The following DDX31 variants were observed in gnomAD, a reference collection of about 807,000 sequenced individuals.
DDX31 encodes DEAD-box helicase 31, also known as ATP-dependent DNA helicase DDX31.
In DDX31, 70 loss-of-function variants were observed where a neutral mutation model predicts 91.3. The ratio of observed to expected loss-of-function variants is 0.77; its 90% CI spans 0.63 to 0.94. DDX31 has a LOEUF of 0.94. Ranked by LOEUF, DDX31 falls within the 40% of genes least tolerant of loss-of-function variation. The pLI is 0.00. For synonymous variants in DDX31, 362 were observed against 350.6 expected, an observed-to-expected ratio of 1.03 and a Z score of -0.36; for missense variants, 902 against 925.0, an observed-to-expected ratio of 0.98 and a Z score of 0.32.
At chr9:132,644,851 A>C (rs1833723164) in intron 13 of DDX31, among the ~76,000 whole-genome samples, 1 of 152,218 alleles carries the variant, frequency 6.6e-6, no homozygotes, top group Non-Finnish European at 1.5e-5. Flanking sequence ...CTAATGCGCA[A>C]GGGCTGGAAT....
At chr9:132,629,684 G>A (rs1832607774) in intron 16 of DDX31, among the ~76,000 whole-genome samples, 1 of 152,204 alleles carries the variant, frequency 6.6e-6, no homozygotes, top group African/African-American at 2.4e-5. Context: ...CCCATTTACA[G>A]CGAGCTGGGC....
At chr9:132,644,207 T>A (rs1283105358) in intron 13 of DDX31, among the ~76,000 whole-genome samples, 1 of 152,190 alleles carries the variant, frequency 6.6e-6, no homozygotes, top group Non-Finnish European at 1.5e-5. Flanking sequence ...TACACAGACA[T>A]TCTACTTTTT....
chr9:132,635,214 G>A (rs906911185), intron 14 of DDX31, among the ~76,000 whole-genome samples: 1 of 152,058 alleles, frequency 6.6e-6, no homozygotes, highest in Non-Finnish European at 1.5e-5. Context: ...TTTCTCCTTC[G>A]TAATGAGTAA....
At chr9:132,599,924 G>C (rs148432438) in intron 19 of DDX31, among the ~76,000 whole-genome samples, 6 of 152,232 alleles carry the variant, frequency 3.9e-5, no homozygotes, top group African/African-American at 1.4e-4. Flanking sequence ...CAGGTGGCCC[G>C]GGACTGACTA....
intron 7 of DDX31, among the ~76,000 whole-genome samples, chr9:132,651,516 C>T (rs186894631): frequency 2.0e-5 from 3 of 152,130 alleles, no homozygotes; most frequent in Non-Finnish European, 4.4e-5. Flanking sequence ...ACAATAGTGA[C>T]GCAACAGGGT....
chr9:132,609,308 G>C (rs772760952), intron 19 of DDX31, among the ~76,000 whole-genome samples: 1 of 152,104 alleles, frequency 6.6e-6, no homozygotes, highest in Non-Finnish European at 1.5e-5. Context: ...CCTAAATAAA[G>C]CCCTGTTAAA....
Position 132,662,460 on chromosome 9 carries a change from G to C in DDX31, c.311C>G (p.Pro104Arg). 2.5e-6 allele frequency: 4 copies of C among 1,614,188 alleles called. No individual in the cohort carries two copies. The highest frequency in any genetic ancestry group is 1.1e-5 in the South Asian group (1 of 91,086). Residue 104 changes from proline to arginine, a missense_variant, in exon 2 of 20, where the codon CCT becomes CGT. Coordinates refer to ENST00000372159, the MANE Select transcript of DDX31 (RefSeq NM_022779.9). ...IKTSSLFKNN[P>R]DIPELHRPVV... ...ATACCTGTGGAGTTCTGGAATGTCA[G>C]GGTTGTTTTTAAACAGTGATGAAGT...
intron 18 of DDX31, among the ~76,000 whole-genome samples, chr9:132,615,996 G>C (rs1831602635): frequency 6.6e-6 from 1 of 152,246 alleles, no homozygotes; most frequent in Non-Finnish European, 1.5e-5. Context: ...CAAGTCAATA[G>C]TGGGGAATTT....
chr9:132,637,579 C>G (rs916734465), intron 14 of DDX31, among the ~76,000 whole-genome samples: 9 of 152,224 alleles, frequency 5.9e-5, no homozygotes, highest in Admixed American at 1.3e-4. Flanking sequence ...GCCTCTGACG[C>G]CTTCCCGGCC....
chr9:132,630,549 A>T, intron 15 of DDX31, 146 bp from the exon 16 acceptor site: 1 of 771,786 alleles, frequency 1.3e-6, no homozygotes, highest in Non-Finnish European at 1.8e-6. Context: ...AGGAGAAGTC[A>T]CCCAACCCTG....
At chr9:132,658,429 A>G (rs563862671) in intron 6 of DDX31, 17 of 697,110 alleles carry the variant, frequency 2.4e-5, no homozygotes, top group African/African-American at 2.3e-4. Flanking sequence ...CATGCCTGAC[A>G]CACGGGGAGC....
Position 132,646,128 on chromosome 9 carries a change from A to G in DDX31, c.1204-57T>C. The G allele has an allele frequency of 2.6e-6, 4 of 1,554,646 alleles. No individual in the cohort carries two copies. The South Asian group carries it at 3.5e-5, about 14-fold the overall frequency. Reference sequence around the variant, plus strand: ...ATATTTTAAGATTAGGTGACGCCAAAACGAATATTTCTCTAAACTATACAG... The same window carrying G: ...ATATTTTAAGATTAGGTGACGCCAAGACGAATATTTCTCTAAACTATACAG... On this transcript the variant is annotated intron_variant, in intron 12 of 19. Transcript: ENST00000372159.
chr9:132,622,410 A>G (rs1045444085), intron 17 of DDX31, among the ~76,000 whole-genome samples: 1 of 151,970 alleles, frequency 6.6e-6, no homozygotes, highest in African/African-American at 2.4e-5. Context: ...GGCAGATGCT[A>G]CCAAAAAAAA....
intron 18 of DDX31, among the ~76,000 whole-genome samples, chr9:132,615,281 T>C (rs1269522617): frequency 1.3e-5 from 2 of 152,092 alleles, no homozygotes; most frequent in Non-Finnish European, 2.9e-5. Flanking sequence ...TGATGACTTG[T>C]AAGATGAAGG....
intron 13 of DDX31, among the ~76,000 whole-genome samples, chr9:132,643,331 A>C (rs1199126252): frequency 1.3e-5 from 2 of 152,228 alleles, no homozygotes; most frequent in African/African-American, 4.8e-5. Flanking sequence ...TGAGTTGGTC[A>C]CATTCACCTG....
Position 132,637,904 on chromosome 9 carries a change from T to C in DDX31, c.1440+4100A>G, listed in dbSNP as rs573700582. ...ATTTATTTGGGACACAGAACTGACA[T>C]TGTGACTCTTCACAGCCGTATCTCC... On this transcript the variant is annotated intron_variant, in intron 14 of 19. Coordinates refer to ENST00000372159, the MANE Select transcript of DDX31 (RefSeq NM_022779.9). 3.4e-5 allele frequency: 34 copies of C among 992,508 alleles called. No homozygotes were observed. The East Asian group carries it at 1.1e-3, about 32-fold the overall frequency. The allele number at this position is 992,508 out of a possible 1,614,324, so 61.5% of individuals were successfully genotyped here. A position where few individuals can be genotyped will look rare whatever the true frequency, so the allele number is the denominator to read the frequency against.
intron 6 of DDX31, among the ~76,000 whole-genome samples, chr9:132,657,851 T>C (rs1228335141): frequency 6.6e-6 from 1 of 152,238 alleles, no homozygotes; most frequent in African/African-American, 2.4e-5. Context: ...TAACTTAACA[T>C]GTTTCACAAC....
At position 132,594,956 on chromosome 9, in the gene DDX31, C is replaced by T. The variant is rs749343290; in HGVS notation, c.2151G>A (p.Pro717=). The T allele has an allele frequency of 2.5e-5, 41 of 1,614,052 alleles. No homozygotes were observed. The highest frequency in any genetic ancestry group is 4.5e-5 in the East Asian group (2 of 44,898). Residue 717 remains proline (P), a synonymous_variant, in exon 20 of 20, where the codon CCG becomes CCA. Transcript: ENST00000372159. ...TTTTCCCACGGCCAAAGCAGGGTGT[C>T]GGCTGCAGACTGTGCTGCAGGGGCC... is the stretch of plus-strand genomic sequence containing the variant. ...GGRPLQHSLQ[P]TPCFGRGKTL...
In DDX31 at chr9:132,648,528, A is replaced by C. The variant is rs1457542198; in HGVS notation, c.764T>G (p.Leu255Arg). Residue 255 changes from leucine to arginine, a missense_variant, in exon 10 of 20, where the codon CTT (leucine) becomes CGT (arginine). Physicochemically the swap from Leu to Arg is moderately radical, Grantham distance 102. Coordinates refer to ENST00000372159, the MANE Select transcript of DDX31 (RefSeq NM_022779.9). ...CACCAGGCGTCCAGGAGTTGAGATA[A>C]GGATATTTATTCCTTTGCGGAGTCT... ...KARLRKGINI[L>R]ISTPGRLVDH... 2.5e-6 allele frequency: 4 copies of C among 1,613,008 alleles called. No individual in the cohort carries two copies. The African/African-American group carries it at 4.0e-5, about 16-fold the overall frequency.
Sources: gnomAD v4.1 joint callset for allele counts (sites outside exome capture counted in the v4.1 genomes callset) on GRCh38, gnomAD v4.1.1 for gene constraint, MANE v1.5 for transcripts, NCBI Gene and HGNC (gene_info 2026-07-23, HGNC 2026-07-21) for gene names.